Variants in TMEM117 observed in about 807,000 individuals in gnomAD.
TMEM117 encodes the protein transmembrane protein 117.
A neutral mutation model predicts 52.4 loss-of-function variants in TMEM117; 27 were observed. The observed-to-expected ratio is 0.51, with a 90% CI of 0.38 to 0.71. TMEM117 has a LOEUF of 0.71. Ranked by LOEUF, TMEM117 falls within the 30% of genes least tolerant of loss-of-function variation. The pLI is 0.00. For missense variants in TMEM117, 556 were observed against 630.5 expected (o/e 0.88, Z 1.26); for synonymous variants, 215 against 206.3 (o/e 1.04, Z -0.36).
At chr12:44,079,850 T>C (rs1198069147) in intron 3 of TMEM117, among the ~76,000 whole-genome samples, 1 of 151,736 alleles carries the variant, frequency 6.6e-6, no homozygotes, top group Non-Finnish European at 1.5e-5. Context: ...ACCTCATCTC[T>C]ACTAAAAATA....
At chr12:44,114,369 T>G (rs1948097126) in intron 3 of TMEM117, among the ~76,000 whole-genome samples, 1 of 152,222 alleles carries the variant, frequency 6.6e-6, no homozygotes, top group Non-Finnish European at 1.5e-5. Flanking sequence ...AACGATTTTA[T>G]AACTAGATAT....
the TMEM117 span, among the ~76,000 whole-genome samples, chr12:43,829,453 G>A: frequency 6.6e-6 from 1 of 152,176 alleles, no homozygotes; most frequent in East Asian, 1.9e-4. Context: ...TTCATTGATT[G>A]GGTGGTGTAT....
intron 5 of TMEM117, among the ~76,000 whole-genome samples, chr12:44,232,229 T>G (rs1296538019): frequency 1.3e-5 from 2 of 151,672 alleles, no homozygotes; most frequent in African/African-American, 4.8e-5. Context: ...TATTAAGATA[T>G]TCTTTGTATT....
chr12:44,282,522 C>A (rs544979158), intron 5 of TMEM117, among the ~76,000 whole-genome samples: 1 of 152,294 alleles, frequency 6.6e-6, no homozygotes, highest in African/African-American at 2.4e-5. Flanking sequence ...AGCAAAGAGA[C>A]TAACGTCATT....
At chr12:44,190,146 G>A (rs1433684448) in intron 4 of TMEM117, among the ~76,000 whole-genome samples, 1 of 152,124 alleles carries the variant, frequency 6.6e-6, no homozygotes, top group Non-Finnish European at 1.5e-5. Context: ...GGCCATTTTT[G>A]TTCTGCCACT....
chr12:43,885,231 G>C (rs1383326215), intron 2 of TMEM117, among the ~76,000 whole-genome samples: 2 of 152,144 alleles, frequency 1.3e-5, no homozygotes, highest in African/African-American at 2.4e-5. Flanking sequence ...AGCTTTGTGT[G>C]TATTGGTCCT....
chr12:44,152,171 A>AAATTATATTTATAAAATATATATAAATAT lies in TMEM117; in HGVS notation c.510+8561_510+8589dup, dbSNP rs1555206660. Among the ~76,000 whole-genome samples, 3 of 109,862 alleles carry AAATTATATTTATAAAATATATATAAATAT rather than the reference A, an allele frequency of 2.7e-5. No homozygotes were observed. In the East Asian group the frequency reaches 9.2e-4, roughly 34 times the overall value. The allele number at this position is 109,862 out of a possible 152,430, so 72.1% of individuals were successfully genotyped here. Reference sequence around the variant, plus strand: ...TATTTATATTTACATAATATATATAAAATTATATTTATAAAATATATATAA... The same window carrying AAATTATATTTATAAAATATATATAAATAT: ...TATTTATATTTACATAATATATATAAAATTATATTTATAAAATATATATAAATATAATTATATTTATAAAATATATATAA... On this transcript the variant is annotated intron_variant, in intron 4 of 7. Coordinates refer to ENST00000266534, the MANE Select transcript of TMEM117 (RefSeq NM_032256.3).
At chr12:44,162,305 A>AAC (rs1948908890) in intron 4 of TMEM117, among the ~76,000 whole-genome samples, 1 of 152,102 alleles carries the variant, frequency 6.6e-6, no homozygotes, top group Non-Finnish European at 1.5e-5. Context: ...GGTGGGTGTC[A>AAC]CTTCTTGGCC....
intron 5 of TMEM117, among the ~76,000 whole-genome samples, chr12:44,288,871 G>A (rs570140435): frequency 1.8e-4 from 28 of 152,030 alleles, no homozygotes; most frequent in Non-Finnish European, 3.2e-4. Flanking sequence ...GTATGCATGT[G>A]GTGAAGACAC....
chr12:43,797,939 A>C, the TMEM117 span: 1 of 1,149,360 alleles, frequency 8.7e-7, no homozygotes, highest in Non-Finnish European at 1.2e-6. Flanking sequence ...CCCTAGCCCA[A>C]CCTATAATTA....
At chr12:44,097,438 C>G (rs112029939) in intron 3 of TMEM117, among the ~76,000 whole-genome samples, 1 of 151,776 alleles carries the variant, frequency 6.6e-6, no homozygotes, top group African/African-American at 2.4e-5. Context: ...CGGCACTATT[C>G]ACAATAGCAA....
intron 3 of TMEM117, among the ~76,000 whole-genome samples, chr12:44,140,056 C>A (rs923334112): frequency 3.2e-4 from 49 of 152,048 alleles, no homozygotes; most frequent in South Asian, 1.2e-3. Context: ...ATATATTATT[C>A]TTCATTTTTA....
intron 3 of TMEM117, among the ~76,000 whole-genome samples, chr12:44,075,060 C>T (rs1478085354): frequency 2.6e-5 from 4 of 152,200 alleles, no homozygotes; most frequent in East Asian, 1.9e-4. Context: ...CCTGTGCTTT[C>T]TCCATAGTGG....
In TMEM117 at chr12:44,189,348, T is replaced by C. The variant is rs558367898; in HGVS notation, c.511-21942T>C. 2.0e-5 allele frequency among the ~76,000 whole-genome samples: 3 copies of C among 152,294 alleles called. No individual in the cohort carries two copies. In the East Asian group the frequency reaches 5.8e-4, roughly 29 times the overall value. On this transcript the variant is annotated intron_variant, in intron 4 of 7. Coordinates refer to ENST00000266534, the MANE Select transcript of TMEM117 (RefSeq NM_032256.3). ...TACTGCAGAAAATGATATTTCTCTCTTCAGTATGAAAGGATTAGCTATCAC... is the reference window on the plus strand; with the variant it reads ...TACTGCAGAAAATGATATTTCTCTCCTCAGTATGAAAGGATTAGCTATCAC...
Position 44,388,541 on chromosome 12 carries a change from G to C in TMEM117, c.1414G>C (p.Asp472His), listed in dbSNP as rs1192130586. 6.2e-7 allele frequency: 1 copy of C among 1,613,560 alleles called. No individual in the cohort carries two copies. ...CCCTTCTTTGGTTTGCATCAGGTCT[G>C]ACTTCAATGAGATCGTCTACAAGTC... Reference protein sequence around the residue: ...NDPSLVCIRSDFNEIVYKSSH... With the variant: ...NDPSLVCIRSHFNEIVYKSSH... The change falls in exon 8 of 8, where the codon GAC becomes CAC. Residue 472 changes from aspartate to histidine, a missense_variant. Asp to His is a moderately conservative substitution (Grantham distance 81). Around this residue, in one of 3 missense-constraint regions of TMEM117, gnomAD observed 206 missense variants for 211.1 expected, o/e 0.98. Transcript: ENST00000266534.
chr12:43,945,812 C>T (rs1945122785), intron 3 of TMEM117, among the ~76,000 whole-genome samples: 1 of 152,150 alleles, frequency 6.6e-6, no homozygotes, highest in South Asian at 2.1e-4. Flanking sequence ...GTAGGCTAGG[C>T]AGGATTATTG....
intron 3 of TMEM117, among the ~76,000 whole-genome samples, chr12:43,970,232 G>A (rs563770098): frequency 6.6e-6 from 1 of 152,088 alleles, no homozygotes; most frequent in Admixed American, 6.5e-5. Context: ...ACCTCAGTGT[G>A]CAAGAGTAAT....
intron 3 of TMEM117, among the ~76,000 whole-genome samples, chr12:44,119,080 A>C (rs1948191895): frequency 6.6e-6 from 1 of 152,198 alleles, no homozygotes; most frequent in African/African-American, 2.4e-5. Flanking sequence ...GCTTGTGTGG[A>C]ATTATTTTTA....
intron 4 of TMEM117, among the ~76,000 whole-genome samples, chr12:44,202,017 AGAT>A (rs1422754510): frequency 1.3e-5 from 2 of 152,094 alleles, no homozygotes. Context: ...TTATATATCA[AGAT>A]GATATCTTTT....
Sources: gnomAD v4.1 joint callset for allele counts (sites outside exome capture counted in the v4.1 genomes callset) on GRCh38, gnomAD v4.1.1 for gene constraint, gnomAD v4.1.1 regional missense constraint, MANE v1.5 for transcripts, NCBI Gene and HGNC (gene_info 2026-07-23, HGNC 2026-07-21) for gene names.